The following APPBP2 variants were observed in gnomAD, a reference collection of about 807,000 sequenced individuals.
The protein encoded by APPBP2 is amyloid beta precursor protein binding protein 2.
APPBP2 carries 15 observed loss-of-function variants against 76.0 expected under a neutral mutation model. That is an observed-to-expected ratio of 0.20 (90% CI 0.13 to 0.30). The LOEUF (loss-of-function observed/expected upper bound fraction) is 0.30. Among genes scored for constraint, APPBP2 ranks in the 10% least tolerant of loss-of-function variants. APPBP2 has a pLI of 1.00. For missense variants in APPBP2, 401 were observed against 687.2 expected (o/e 0.58, Z 4.66); for synonymous variants, 222 against 242.2 (o/e 0.92, Z 0.77).
In APPBP2 at chr17:60,446,223, ATTGAGGTAACAGCAAAATACCTTT is replaced by A. The variant is rs2090345720; in HGVS notation, c.*1334_*1357del. On this transcript the variant is annotated 3_prime_UTR_variant, in exon 13 of 13. Transcript: ENST00000083182. ...CATCAGATGGGCTACTACAGTAAGA[ATTGAGGTAACAGCAAAATACCTTT>A]TTGTTTCTTGAATTGCTACATGTCA... is the stretch of plus-strand genomic sequence containing the variant. 6.6e-6 allele frequency: 1 copy of A among 152,654 alleles called. No individual in the cohort carries two copies. Among genetic ancestry groups the A allele is most frequent in the Non-Finnish European group, 1.5e-5 (1 of 68,038 alleles). 9.5% of individuals were successfully genotyped at this position (152,654 alleles called of 1,614,324 possible).
chr17:60,485,255 T>TG (rs1187775219), intron 3 of APPBP2, among the ~76,000 whole-genome samples: 4 of 152,232 alleles, frequency 2.6e-5, no homozygotes, highest in Non-Finnish European at 1.5e-5. Context: ...CTCTATTGAT[T>TG]GGAAAAGTTT....
intron 3 of APPBP2, among the ~76,000 whole-genome samples, chr17:60,484,766 A>G (rs2090659480): frequency 6.6e-6 from 1 of 152,160 alleles, no homozygotes; most frequent in African/African-American, 2.4e-5. Flanking sequence ...ACTATGTTGA[A>G]TAGGAGTGAT....
intron 3 of APPBP2, among the ~76,000 whole-genome samples, chr17:60,485,835 T>C (rs1348912037): frequency 6.6e-6 from 1 of 152,140 alleles, no homozygotes. Context: ...TTGTGGGCTA[T>C]TAGTGCTATA....
intron 9 of APPBP2, among the ~76,000 whole-genome samples, chr17:60,458,391 G>A (rs1024678302): frequency 4.6e-5 from 7 of 150,652 alleles, no homozygotes; most frequent in Non-Finnish European, 1.0e-4. Flanking sequence ...CCGAGATCAC[G>A]CCACTGCACT....
At position 60,447,440 on chromosome 17, in the gene APPBP2, G is replaced by T; in HGVS notation, c.*141C>A. On this transcript the variant is annotated 3_prime_UTR_variant, in exon 13 of 13. Transcript: ENST00000083182. ...TCCTACAGACATTCTGCAAGATAGG[G>T]ATCACCCAAAATAGGGTCTTCAATG... 1 of 881,568 alleles carries T rather than the reference G, an allele frequency of 1.1e-6. No homozygotes were observed. The highest frequency in any genetic ancestry group is 1.7e-6 in the Non-Finnish European group (1 of 586,258). 54.6% of individuals were successfully genotyped at this position (881,568 alleles called of 1,614,324 possible). A position where few individuals can be genotyped will look rare whatever the true frequency, so the allele number is the denominator to read the frequency against.
intron 1 of APPBP2, among the ~76,000 whole-genome samples, chr17:60,519,932 C>G (rs2090995224): frequency 6.6e-6 from 1 of 151,802 alleles, no homozygotes. Context: ...TACAGGCATG[C>G]AACACCACAC....
At chr17:60,482,252 TTA>T (rs1394964303) in intron 3 of APPBP2, among the ~76,000 whole-genome samples, 1 of 152,198 alleles carries the variant, frequency 6.6e-6, no homozygotes. Context: ...AATTAAATAC[TTA>T]TAAACAAGAA....
At position 60,501,547 on chromosome 17, in the gene APPBP2, T is replaced by C. The variant is rs576849007; in HGVS notation, c.139-1060A>G. 3.1e-4 allele frequency among the ~76,000 whole-genome samples: 47 copies of C among 152,142 alleles called. 1 individual carries two copies. In the South Asian group the frequency reaches 7.9e-3, roughly 26 times the overall value. ...TAGTAGCTAGGATTACAGGCATGCA[T>C]CACCATGCCTAATTTTTTTTTTGTA... On this transcript the variant is annotated intron_variant, in intron 1 of 12. Transcript: ENST00000083182.
At chr17:60,505,537 G>A (rs1314699152) in intron 1 of APPBP2, among the ~76,000 whole-genome samples, 1 of 151,862 alleles carries the variant, frequency 6.6e-6, no homozygotes, top group South Asian at 2.1e-4. Flanking sequence ...GGATAGTTTC[G>A]ATCTCCTGAC....
intron 1 of APPBP2, among the ~76,000 whole-genome samples, chr17:60,519,240 G>T (rs1246200403): frequency 6.6e-6 from 1 of 151,568 alleles, no homozygotes; most frequent in East Asian, 1.9e-4. Context: ...TGGGATTACA[G>T]GCATGAGCCA....
At chr17:60,479,104 A>G in intron 4 of APPBP2, 44 bp downstream of exon 4, 5 of 1,581,372 alleles carry the variant, frequency 3.2e-6, no homozygotes, top group Non-Finnish European at 4.3e-6. Context: ...AAAAGCCACT[A>G]AATACTGTTA....
intron 3 of APPBP2, among the ~76,000 whole-genome samples, chr17:60,480,107 C>T (rs1322723321): frequency 1.3e-5 from 2 of 152,268 alleles, no homozygotes; most frequent in South Asian, 4.1e-4. Flanking sequence ...CACAAAGTAA[C>T]ATACCATCAT....
chr17:60,456,326 G>T lies in APPBP2; in HGVS notation c.1117C>A (p.Leu373Ile). The T allele has an allele frequency of 6.2e-7, 1 of 1,611,004 alleles. No individual in the cohort carries two copies. Among genetic ancestry groups the T allele is most frequent in the Non-Finnish European group, 8.5e-7 (1 of 1,177,374 alleles). Residue 373 changes from leucine (L) to isoleucine (I), a missense_variant, in exon 10 of 13, where the codon CTT (leucine) becomes ATT (isoleucine). Leu to Ile is a conservative substitution (Grantham distance 5). Coordinates refer to ENST00000083182, the MANE Select transcript of APPBP2 (RefSeq NM_006380.5). ...IITHILPEDH[L>I]LLASSKRVKA... ...ACCCTCTTTGAAGAAGCCAAAAGAA[G>T]ATGATCTTCAGGTAGGATGTGGGTA...
Position 60,464,115 on chromosome 17 carries a change from A to G in APPBP2, c.673-5T>C, listed in dbSNP as rs1223876528. The G allele has an allele frequency of 1.7e-5, 27 of 1,601,874 alleles. No individual in the cohort carries two copies. The highest frequency in any genetic ancestry group is 2.2e-5 in the Non-Finnish European group (26 of 1,174,316). On this transcript the variant is annotated splice_region_variant and splice_polypyrimidine_tract_variant and intron_variant, in intron 5 of 12. Coordinates refer to ENST00000083182, the MANE Select transcript of APPBP2 (RefSeq NM_006380.5). ...CTCGATGCACCATTTGTATGCCTAA[A>G]AAAATTATTTATAGAAGAGACAGAA...
At chr17:60,517,556 T>C (rs959026034) in intron 1 of APPBP2, among the ~76,000 whole-genome samples, 2 of 152,232 alleles carry the variant, frequency 1.3e-5, no homozygotes, top group African/African-American at 4.8e-5. Context: ...AAATGACTTT[T>C]GTGTGTGGTG....
At chr17:60,469,891 T>G (rs1351972206) in intron 4 of APPBP2, among the ~76,000 whole-genome samples, 2 of 152,236 alleles carry the variant, frequency 1.3e-5, no homozygotes, top group African/African-American at 4.8e-5. Flanking sequence ...AGGCATATAC[T>G]TGGAGTGAAA....
chr17:60,525,957 T>TCCGCCTCCTCCTCCCGAAGG lies in APPBP2; in HGVS notation c.-46_-27dup. On this transcript the variant is annotated 5_prime_UTR_variant, in exon 1 of 13. Coordinates refer to ENST00000083182, the MANE Select transcript of APPBP2 (RefSeq NM_006380.5). ...CTTCCTTCCCTCCTCCTCCGCCTCC[T>TCCGCCTCCTCCTCCCGAAGG]CCGCCTCCTCCTCCCGAAGGCCCCC... 1 of 1,561,904 alleles carries TCCGCCTCCTCCTCCCGAAGG rather than the reference T, an allele frequency of 6.4e-7. No individual in the cohort carries two copies. Among genetic ancestry groups the TCCGCCTCCTCCTCCCGAAGG allele is most frequent in the Non-Finnish European group, 8.7e-7 (1 of 1,152,010 alleles).
At chr17:60,515,019 G>T (rs2090951301) in intron 1 of APPBP2, among the ~76,000 whole-genome samples, 2 of 150,770 alleles carry the variant, frequency 1.3e-5, no homozygotes, top group South Asian at 4.1e-4. Flanking sequence ...GTCCAGGCTG[G>T]TGTTGAATTC....
At chr17:60,492,082 C>A (rs2143424825) in intron 3 of APPBP2, among the ~76,000 whole-genome samples, 1 of 152,274 alleles carries the variant, frequency 6.6e-6, no homozygotes, top group South Asian at 2.1e-4. Context: ...CTAAAAGGGA[C>A]CAACGTACAG....
Sources: allele counts gnomAD v4.1 joint callset (sites outside exome capture counted in the v4.1 genomes callset), GRCh38; gene constraint gnomAD v4.1.1; transcripts MANE v1.5; gene names NCBI Gene and HGNC (gene_info 2026-07-23, HGNC 2026-07-21).